Variants in HLCS observed in about 807,000 individuals in gnomAD.
HLCS encodes the protein biotin--protein ligase.
Under a neutral mutation model 75.0 loss-of-function variants are expected in HLCS, and 53 were observed. The ratio of observed to expected loss-of-function variants is 0.71; its 90% CI spans 0.57 to 0.89. The LOEUF (loss-of-function observed/expected upper bound fraction) is 0.89, where lower values mean the gene tolerates loss of function less well. HLCS is among the 40% of genes least tolerant of loss of function. The pLI is 0.00. For synonymous variants in HLCS, 431 were observed against 428.6 expected (o/e 1.01, Z -0.07); for missense variants, 966 against 1,074.0 (o/e 0.90, Z 1.41).
chr21:36,983,592 C>T (rs987262609), intron 1 of HLCS, among the ~76,000 whole-genome samples: 8 of 151,898 alleles, frequency 5.3e-5, no homozygotes, highest in African/African-American at 1.7e-4. Flanking sequence ...AATCCCAACA[C>T]TTTGGGAGGC....
chr21:36,895,452 A>G (rs989885879), intron 6 of HLCS, among the ~76,000 whole-genome samples: 31 of 152,172 alleles, frequency 2.0e-4, no homozygotes, highest in Non-Finnish European at 1.5e-5. Flanking sequence ...GAAGCGCTGA[A>G]AAATGAAAGT....
chr21:36,848,742 T>C (rs558286967), intron 6 of HLCS, among the ~76,000 whole-genome samples: 5 of 152,340 alleles, frequency 3.3e-5, no homozygotes, highest in Non-Finnish European at 7.3e-5. Flanking sequence ...TTTATAAGCT[T>C]AGAAAGGCCT....
At chr21:36,817,297 C>T (rs1569052186) in intron 6 of HLCS, among the ~76,000 whole-genome samples, 2 of 152,178 alleles carry the variant, frequency 1.3e-5, no homozygotes, top group South Asian at 2.1e-4. Context: ...TGGATTTAAT[C>T]GGTTTCTCTG....
At chr21:36,775,526 A>T (rs2060330045) in intron 6 of HLCS, among the ~76,000 whole-genome samples, 2 of 152,222 alleles carry the variant, frequency 1.3e-5, no homozygotes, top group Admixed American at 6.5e-5. Flanking sequence ...CTGTGGCTGT[A>T]CCTCAGCGGT....
intron 6 of HLCS, among the ~76,000 whole-genome samples, chr21:36,843,938 ATTGAGGCTGCAGTGAGC>A (rs1232656798): frequency 1.3e-5 from 2 of 151,946 alleles, no homozygotes; most frequent in Non-Finnish European, 2.9e-5. Context: ...AGCCCAGGAG[ATTGAGGCTGCAGTGAGC>A]CATGATCATA....
In HLCS at chr21:36,753,684, T is replaced by C. The variant is rs1360423175; in HGVS notation, c.*562A>G. The C allele has an allele frequency of 1.2e-5, 2 of 164,510 alleles. No homozygotes were observed. Among genetic ancestry groups the C allele is most frequent in the African/African-American group, 4.8e-5 (2 of 41,508 alleles). The allele number at this position is 164,510 out of a possible 1,614,324, so 10.2% of individuals were successfully genotyped here. On this transcript the variant is annotated 3_prime_UTR_variant, in exon 11 of 11. Coordinates refer to ENST00000674895, the MANE Select transcript of HLCS (RefSeq NM_001352514.2). This position sits in a 1 kb window ranked among gnomAD's most constrained non-coding sequence, Gnocchi z 4.3. The stretch of plus-strand genomic sequence containing the variant: ...CTCTACAGGCATTTAGACTTCGCTA[T>C]GGGGCCACACCACCGGGTGGACAGT...
At chr21:36,919,553 T>C (rs947396259) in intron 5 of HLCS, among the ~76,000 whole-genome samples, 3 of 152,190 alleles carry the variant, frequency 2.0e-5, no homozygotes, top group Non-Finnish European at 2.9e-5. Context: ...CATGGTTTAA[T>C]TGCAGTATGG....
At chr21:36,984,293 TA>T (rs1386482912) in intron 1 of HLCS, among the ~76,000 whole-genome samples, 1 of 152,160 alleles carries the variant, frequency 6.6e-6, no homozygotes, top group Non-Finnish European at 1.5e-5. Flanking sequence ...TCCTATTACT[TA>T]CCTATGACAA....
chr21:36,905,578 T>C (rs2065414343), intron 5 of HLCS, among the ~76,000 whole-genome samples: 2 of 152,228 alleles, frequency 1.3e-5, no homozygotes, highest in African/African-American at 4.8e-5. Flanking sequence ...GAATGCTTTA[T>C]AGTCACATAA....
intron 6 of HLCS, among the ~76,000 whole-genome samples, chr21:36,841,295 A>G (rs2062606210): frequency 6.6e-6 from 1 of 152,256 alleles, no homozygotes; most frequent in Non-Finnish European, 1.5e-5. Context: ...CAAAACAAAC[A>G]AAACTAAACC....
chr21:36,970,998 A>C (rs1677651371), upstream of HLCS, among the ~76,000 whole-genome samples: 1 of 128,706 alleles, frequency 7.8e-6, no homozygotes, highest in East Asian at 2.2e-4. Context: ...CATCTCAAAA[A>C]AAAAAAAAGA....
At chr21:36,831,297 C>T (rs893453977) in intron 6 of HLCS, among the ~76,000 whole-genome samples, 3 of 152,154 alleles carry the variant, frequency 2.0e-5, no homozygotes, top group Non-Finnish European at 4.4e-5. Context: ...TTAAAGCTCT[C>T]TTGAAAGTGT....
At position 36,799,913 on chromosome 21, in the gene HLCS, C is replaced by A. The variant is rs567655227; in HGVS notation, c.1893-32628G>T. 2.6e-5 allele frequency among the ~76,000 whole-genome samples: 4 copies of A among 152,308 alleles called. No individual in the cohort carries two copies. In the East Asian group the frequency reaches 7.7e-4, roughly 29 times the overall value. On this transcript the variant is annotated intron_variant, in intron 6 of 10. Coordinates refer to ENST00000674895, the MANE Select transcript of HLCS (RefSeq NM_001352514.2). ...TAGAAATTCAGTAACTAGCCAAAAT[C>A]ATAGGGTTGTTTGTGGACAACTAAT...
intron 2 of HLCS, among the ~76,000 whole-genome samples, chr21:36,952,456 C>A (rs564035271): frequency 1.9e-4 from 29 of 152,282 alleles, no homozygotes; most frequent in African/African-American, 6.7e-4. Context: ...CTGTGGCAAT[C>A]CTCCTTGTTG....
intron 6 of HLCS, among the ~76,000 whole-genome samples, chr21:36,790,953 G>T (rs564483940): frequency 6.6e-6 from 1 of 152,346 alleles, no homozygotes; most frequent in South Asian, 2.1e-4. Flanking sequence ...TGTTGGCAAA[G>T]AACCTGGGTG....
Position 36,961,083 on chromosome 21 carries a change from G to A in HLCS, c.330+953C>T, listed in dbSNP as rs77785621. ...CATAACTTCACGGAAGCGAGGAGGA[G>A]GTGCGAGGAAAAGCCGGCTGGCGTG... On this transcript the variant is annotated intron_variant, in intron 2 of 10. Transcript: ENST00000674895. 6.8e-4 allele frequency among the ~76,000 whole-genome samples: 104 copies of A among 152,322 alleles called. 2 individuals carry two copies. The East Asian group carries it at 0.019, about 27-fold the overall frequency.
intron 8 of HLCS, among the ~76,000 whole-genome samples, chr21:36,761,943 C>T (rs974172981): frequency 7.9e-5 from 12 of 152,216 alleles, no homozygotes; most frequent in African/African-American, 2.9e-4. Flanking sequence ...GGCTCCAGCT[C>T]GCCTTCATGG....
chr21:36,941,040 C>T lies in HLCS; in HGVS notation c.331-2046G>A, dbSNP rs141036831. On this transcript the variant is annotated intron_variant, in intron 2 of 10. Coordinates refer to ENST00000674895, the MANE Select transcript of HLCS (RefSeq NM_001352514.2). ...TAGCCTGGGCAACATGGTAAAACCCCGTCTCTACTAAAAACACAAAAATTA... is the reference window on the plus strand; with the variant it reads ...TAGCCTGGGCAACATGGTAAAACCCTGTCTCTACTAAAAACACAAAAATTA... Among the ~76,000 whole-genome samples the T allele has an allele frequency of 5.0e-3, 758 of 152,232 alleles. 11 individuals are homozygous for T. The highest frequency in any genetic ancestry group is 0.018 in the African/African-American group (741 of 41,532).
intron 5 of HLCS, among the ~76,000 whole-genome samples, chr21:36,898,446 C>CAAAAAAAAAAAA (rs58625493): frequency 8.1e-5 from 4 of 49,530 alleles, no homozygotes; most frequent in South Asian, 8.2e-4. Flanking sequence ...AACTCCATCT[C>CAAAAAAAAAAAA]AAAAAAAAAA....
Sources: gnomAD v4.1 joint callset for allele counts (sites outside exome capture counted in the v4.1 genomes callset) on GRCh38, gnomAD v4.1.1 for gene constraint, Gnocchi (gnomAD v3.1) non-coding constraint, MANE v1.5 for transcripts, NCBI Gene and HGNC (gene_info 2026-07-23, HGNC 2026-07-21) for gene names.